The following PRRX2 variants were observed in gnomAD, a reference collection of about 807,000 sequenced individuals.
PRRX2 encodes paired mesoderm homeobox protein 2.
In PRRX2, 11 loss-of-function variants were observed where a neutral mutation model predicts 18.0. The observed-to-expected ratio is 0.61, with a 90% CI of 0.39 to 1.01. PRRX2 has a LOEUF of 1.01. Among genes scored for constraint, PRRX2 ranks in the 50% least tolerant of loss-of-function variants. The probability of loss-of-function intolerance (pLI) is 0.01; values close to 1 mark genes in which losing one functional copy is unlikely to be tolerated. For missense variants in PRRX2, 387 were observed against 351.0 expected, an observed-to-expected ratio of 1.10 and a Z score of -0.82; for synonymous variants, 177 against 154.8, an observed-to-expected ratio of 1.14 and a Z score of -1.06.
intron 1 of PRRX2, among the ~76,000 whole-genome samples, chr9:129,707,130 C>T (rs1157393396): frequency 6.6e-6 from 1 of 152,058 alleles, no homozygotes; most frequent in Non-Finnish European, 1.5e-5. Flanking sequence ...GTGGCTGGCA[C>T]CTGTAATCTC....
intron 1 of PRRX2, among the ~76,000 whole-genome samples, chr9:129,707,545 G>C (rs1433588268): frequency 1.3e-5 from 2 of 152,058 alleles, no homozygotes; most frequent in African/African-American, 4.8e-5. Flanking sequence ...CAGTACTTTG[G>C]GAGGCCAAGG....
chr9:129,680,066 G>A (rs1000621749), intron 1 of PRRX2, among the ~76,000 whole-genome samples: 6 of 152,094 alleles, frequency 3.9e-5, no homozygotes, highest in Non-Finnish European at 1.5e-5. Context: ...GGCAGGTAGG[G>A]GATTAGCTTT....
chr9:129,670,072 G>A (rs897949877), intron 1 of PRRX2, among the ~76,000 whole-genome samples: 2 of 146,158 alleles, frequency 1.4e-5, no homozygotes, highest in East Asian at 2.0e-4. Flanking sequence ...GATCTCGTAT[G>A]TAAGTGGAAT....
chr9:129,722,467 C>A lies in PRRX2; in HGVS notation c.*115C>A. The A allele has an allele frequency of 1.6e-6, 2 of 1,269,942 alleles. No individual in the cohort carries two copies. Among genetic ancestry groups the A allele is most frequent in the Non-Finnish European group, 2.1e-6 (2 of 970,982 alleles). 78.7% of individuals were successfully genotyped at this position (1,269,942 alleles called of 1,614,324 possible). ...GAGCTCTCCTGGCCCGTCTGTCCAG[C>A]CTGGACTCCCGAGCCCACGAGGCTG... On this transcript the variant is annotated 3_prime_UTR_variant, in exon 4 of 4. Transcript: ENST00000372469.
chr9:129,681,671 C>G (rs574485408), intron 1 of PRRX2, among the ~76,000 whole-genome samples: 2 of 152,280 alleles, frequency 1.3e-5, no homozygotes, highest in African/African-American at 4.8e-5. Flanking sequence ...CTCTGCTCCT[C>G]CCTAAACCCG....
At chr9:129,717,791 T>G (rs1205749350) in intron 1 of PRRX2, among the ~76,000 whole-genome samples, 1 of 151,992 alleles carries the variant, frequency 6.6e-6, no homozygotes, top group Non-Finnish European at 1.5e-5. Flanking sequence ...TATACCCATC[T>G]GTGTTGTTTG....
rs2119054743 is a variant in PRRX2 at position 129,675,276 on chromosome 9, C to G, written c.259+9150C>G. On this transcript the variant is annotated intron_variant, in intron 1 of 3. Coordinates refer to ENST00000372469, the MANE Select transcript of PRRX2 (RefSeq NM_016307.4). This position sits in a 1 kb window ranked among gnomAD's most constrained non-coding sequence, Gnocchi z 4.4. The stretch of plus-strand genomic sequence containing the variant: ...GAAGTATTTGCTCTCGACCATCCAC[C>G]AGCATCCATTGAGCACCTACTGAGT... Among the ~76,000 whole-genome samples the G allele has an allele frequency of 6.6e-6, 1 of 152,308 alleles. No individual in the cohort carries two copies. Among genetic ancestry groups the G allele is most frequent in the East Asian group, 1.9e-4 (1 of 5,182 alleles).
chr9:129,684,451 CACACACA>C lies in PRRX2; in HGVS notation c.259+18326_259+18332del, dbSNP rs1564147273. ...CAACACACACACACACACACACACACACACACACCCAACAGAAAAGATACCAGAAATC... is the reference window on the plus strand; with the variant it reads ...CAACACACACACACACACACACACACCCCAACAGAAAAGATACCAGAAATC... On this transcript the variant is annotated intron_variant, in intron 1 of 3. Transcript: ENST00000372469. Among the ~76,000 whole-genome samples, 6 of 144,232 alleles carry C rather than the reference CACACACA, an allele frequency of 4.2e-5. No individual in the cohort carries two copies. In the East Asian group the frequency reaches 5.9e-4, roughly 14 times the overall value. 94.6% of individuals were successfully genotyped at this position (144,232 alleles called of 152,430 possible). A position where few individuals can be genotyped will look rare whatever the true frequency, so the allele number is the denominator to read the frequency against.
chr9:129,699,451 G>A (rs1278703043), intron 1 of PRRX2, among the ~76,000 whole-genome samples: 7 of 151,226 alleles, frequency 4.6e-5, no homozygotes, highest in East Asian at 1.9e-4. Context: ...GTGTGTGTGT[G>A]TGTGTGTGTG....
At chr9:129,694,385 A>G (rs1283846813) in intron 1 of PRRX2, among the ~76,000 whole-genome samples, 1 of 152,170 alleles carries the variant, frequency 6.6e-6, no homozygotes, top group Non-Finnish European at 1.5e-5. Flanking sequence ...GGTTTTTGCC[A>G]TGTTGGCTGG....
Position 129,719,471 on chromosome 9 carries a change from G to A in PRRX2, c.447+53G>A, listed in dbSNP as rs985396660. 6 of 1,437,274 alleles carry A rather than the reference G, an allele frequency of 4.2e-6. No individual in the cohort carries two copies. In the Admixed American group the frequency reaches 1.6e-4, roughly 38 times the overall value. 89.0% of individuals were successfully genotyped at this position (1,437,274 alleles called of 1,614,324 possible). On this transcript the variant is annotated intron_variant, in intron 2 of 3. Coordinates refer to ENST00000372469, the MANE Select transcript of PRRX2 (RefSeq NM_016307.4). ...GGGAGCGTGCGCGTGGGAGCGCACAGCCACTGTTCACCCGGGATTACACAG... is the reference window on the plus strand; with the variant it reads ...GGGAGCGTGCGCGTGGGAGCGCACAACCACTGTTCACCCGGGATTACACAG...
Position 129,715,048 on chromosome 9 carries a change from G to A in PRRX2, c.260-4183G>A, listed in dbSNP as rs983757711. 1.3e-5 allele frequency among the ~76,000 whole-genome samples: 2 copies of A among 152,062 alleles called. No homozygotes were observed. Among genetic ancestry groups the A allele is most frequent in the African/African-American group, 4.8e-5 (2 of 41,396 alleles). On this transcript the variant is annotated intron_variant, in intron 1 of 3. Coordinates refer to ENST00000372469, the MANE Select transcript of PRRX2 (RefSeq NM_016307.4). The surrounding 1 kb of genome is among the most constrained non-coding windows in gnomAD (Gnocchi z 4.0). ...GCAGCAGACATTCTCATCCATCCTCGCCTTTGCTTGAGGAGTGAAGAGTGA... is the reference window on the plus strand; with the variant it reads ...GCAGCAGACATTCTCATCCATCCTCACCTTTGCTTGAGGAGTGAAGAGTGA...
chr9:129,702,314 C>A (rs1231167679), intron 1 of PRRX2, among the ~76,000 whole-genome samples: 1 of 151,518 alleles, frequency 6.6e-6, no homozygotes, highest in Non-Finnish European at 1.5e-5. Flanking sequence ...AGGAGAATGG[C>A]GTGAACCCGG....
At chr9:129,702,390 T>TC (rs1832509277) in intron 1 of PRRX2, among the ~76,000 whole-genome samples, 1 of 147,744 alleles carries the variant, frequency 6.8e-6, no homozygotes, top group African/African-American at 2.5e-5. Context: ...AGAGCGAGAC[T>TC]CCGTCTCAAA....
At chr9:129,706,180 T>C (rs1832554867) in intron 1 of PRRX2, among the ~76,000 whole-genome samples, 1 of 152,206 alleles carries the variant, frequency 6.6e-6, no homozygotes, top group African/African-American at 2.4e-5. Context: ...ATGTGGTGGC[T>C]CACACCTATA....
At chr9:129,703,329 C>T (rs539651737) in intron 1 of PRRX2, among the ~76,000 whole-genome samples, 1 of 152,342 alleles carries the variant, frequency 6.6e-6, no homozygotes, top group South Asian at 2.1e-4. Context: ...GCCCTGGCTT[C>T]CCTGCAGGTC....
intron 1 of PRRX2, among the ~76,000 whole-genome samples, chr9:129,697,362 G>C (rs1436292337): frequency 1.3e-5 from 2 of 151,972 alleles, no homozygotes; most frequent in East Asian, 3.9e-4. Context: ...CCCGGCCGGG[G>C]CGCGCACCCT....
intron 1 of PRRX2, among the ~76,000 whole-genome samples, chr9:129,677,958 CTT>C (rs760645440): frequency 0.077 from 8,628 of 112,138 alleles, 240 homozygotes; most frequent in African/African-American, 0.2. Context: ...TTCTTTCTTT[CTT>C]TTTTTTTTTT....
intron 1 of PRRX2, among the ~76,000 whole-genome samples, chr9:129,689,237 C>T (rs921682181): frequency 1.3e-5 from 2 of 152,184 alleles, no homozygotes; most frequent in Non-Finnish European, 2.9e-5. Context: ...CTGCCTGCTT[C>T]GGCTGGAATC....
Sources: allele counts gnomAD v4.1 joint callset (sites outside exome capture counted in the v4.1 genomes callset), GRCh38; gene constraint gnomAD v4.1.1; non-coding constraint Gnocchi (gnomAD v3.1); transcripts MANE v1.5; gene names NCBI Gene and HGNC (gene_info 2026-07-23, HGNC 2026-07-21).